Variants in FBXO28 observed in about 807,000 individuals in gnomAD.
The protein encoded by FBXO28 is F-box only protein 28.
In FBXO28, 8 loss-of-function variants were observed where a neutral mutation model predicts 38.1. The ratio of observed to expected loss-of-function variants is 0.21; its 90% CI spans 0.12 to 0.38. The LOEUF (loss-of-function observed/expected upper bound fraction) is 0.38, where lower values mean the gene tolerates loss of function less well. Among genes scored for constraint, FBXO28 ranks in the 10% least tolerant of loss-of-function variants. The pLI, the probability that FBXO28 is intolerant of heterozygous loss-of-function variation, is 1.00. For missense variants in FBXO28, 345 were observed against 460.6 expected, an observed-to-expected ratio of 0.75 and a Z score of 2.30; for synonymous variants, 168 against 173.8, an observed-to-expected ratio of 0.97 and a Z score of 0.26.
chr1:224,141,147 A>C (rs183045387), intron 3 of FBXO28, among the ~76,000 whole-genome samples: 1 of 151,832 alleles, frequency 6.6e-6, no homozygotes, highest in East Asian at 2.0e-4. Context: ...AAACCACTGC[A>C]CTCCAGCCTG....
chr1:224,158,416 G>C lies in FBXO28; in HGVS notation c.*670G>C. On this transcript the variant is annotated 3_prime_UTR_variant, in exon 5 of 5. Transcript: ENST00000366862. ...ATGTCCTACATTTGCATGGATGGAT[G>C]CATGCATTGCCTAGTCAACTCACTT... The C allele has an allele frequency of 6.0e-6, 1 of 166,524 alleles. No homozygotes were observed. The highest frequency in any genetic ancestry group is 1.2e-5 in the Non-Finnish European group (1 of 80,728). 10.3% of individuals were successfully genotyped at this position (166,524 alleles called of 1,614,324 possible).
intron 4 of FBXO28, among the ~76,000 whole-genome samples, chr1:224,157,038 GC>G (rs1245114167): frequency 1.3e-5 from 2 of 151,510 alleles, no homozygotes; most frequent in Non-Finnish European, 2.9e-5. Context: ...TAATTTTACT[GC>G]TTGTATTTTG....
chr1:224,127,821 G>A (rs1656940773), intron 1 of FBXO28, among the ~76,000 whole-genome samples: 1 of 152,076 alleles, frequency 6.6e-6, no homozygotes, highest in African/African-American at 2.4e-5. Context: ...GCAGGAGAAT[G>A]GCTTGAACCT....
chr1:224,130,067 T>G (rs1049170175), intron 1 of FBXO28, among the ~76,000 whole-genome samples: 6 of 151,744 alleles, frequency 4.0e-5, no homozygotes, highest in African/African-American at 1.5e-4. Context: ...GCAGGCCAGC[T>G]GTGGTGGCTC....
intron 1 of FBXO28, among the ~76,000 whole-genome samples, chr1:224,122,603 T>TA (rs1656805159): frequency 6.6e-6 from 1 of 151,998 alleles, no homozygotes; most frequent in Non-Finnish European, 1.5e-5. Flanking sequence ...TTTTTTTTTT[T>TA]ACAGCCCCCC....
chr1:224,156,642 G>C (rs1657779799), intron 4 of FBXO28, among the ~76,000 whole-genome samples: 1 of 152,186 alleles, frequency 6.6e-6, no homozygotes, highest in Non-Finnish European at 1.5e-5. Flanking sequence ...TTAGAAACGT[G>C]CAACCTGTAG....
At chr1:224,144,011 C>A (rs1657434999) in intron 3 of FBXO28, among the ~76,000 whole-genome samples, 1 of 151,748 alleles carries the variant, frequency 6.6e-6, no homozygotes, top group African/African-American at 2.4e-5. Flanking sequence ...TTTAGCCAGG[C>A]ATGGTGGCAT....
At chr1:224,139,335 G>A (rs1252360783) in intron 3 of FBXO28, among the ~76,000 whole-genome samples, 1 of 151,406 alleles carries the variant, frequency 6.6e-6, no homozygotes, top group African/African-American at 2.4e-5. Context: ...TTATTCTCTT[G>A]TAATTTCAAG....
In FBXO28 at chr1:224,117,213, C is replaced by G. The variant is rs1285260190; in HGVS notation, c.267+2817C>G. Among the ~76,000 whole-genome samples, 46 of 133,744 alleles carry G rather than the reference C, an allele frequency of 3.4e-4. 1 individual carries two copies. The Admixed American group carries it at 3.7e-3, about 11-fold the overall frequency. The allele number at this position is 133,744 out of a possible 152,430, so 87.7% of individuals were successfully genotyped here. A position where few individuals can be genotyped will look rare whatever the true frequency, so the allele number is the denominator to read the frequency against. The stretch of plus-strand genomic sequence containing the variant: ...ACGGAGTCTCGCTCTGTCACCCAGG[C>G]TGGAGTGCAGTGGTGCCATCTTGGC... On this transcript the variant is annotated intron_variant, in intron 1 of 4. Transcript: ENST00000366862.
At chr1:224,134,324 TCTA>T (rs1322259292) in intron 3 of FBXO28, 112 bp downstream of exon 3, 6 of 983,988 alleles carry the variant, frequency 6.1e-6, no homozygotes, top group Non-Finnish European at 8.9e-6. Flanking sequence ...TCTCTGAGTT[TCTA>T]CTAATGAATT....
At chr1:224,134,913 C>T (rs1447097199) in intron 3 of FBXO28, among the ~76,000 whole-genome samples, 4 of 152,186 alleles carry the variant, frequency 2.6e-5, no homozygotes, top group African/African-American at 9.7e-5. Context: ...TTTCCCTTAA[C>T]ATGGTTGGAA....
chr1:224,146,232 C>CA lies in FBXO28; in HGVS notation c.517-6897dup, dbSNP rs1223717582. ...CTGGGCGATAGAGTGAGACTGTCTT[C>CA]AAAAAAAAAAAAATTAAAAATAATA... On this transcript the variant is annotated intron_variant, in intron 3 of 4. Coordinates refer to ENST00000366862, the MANE Select transcript of FBXO28 (RefSeq NM_015176.4). Among the ~76,000 whole-genome samples, 413 of 125,852 alleles carry CA rather than the reference C, an allele frequency of 3.3e-3. 1 individual carries two copies. The highest frequency in any genetic ancestry group is 0.018 in the East Asian group (81 of 4,534). 82.6% of individuals were successfully genotyped at this position (125,852 alleles called of 152,430 possible). A position where few individuals can be genotyped will look rare whatever the true frequency, so the allele number is the denominator to read the frequency against.
intron 1 of FBXO28, among the ~76,000 whole-genome samples, chr1:224,126,317 T>C (rs1656903147): frequency 6.6e-6 from 1 of 152,222 alleles, no homozygotes; most frequent in Admixed American, 6.6e-5. Flanking sequence ...TAAAATAATT[T>C]TGACTGAACC....
chr1:224,141,128 G>T (rs956017347), intron 3 of FBXO28, among the ~76,000 whole-genome samples: 1 of 152,038 alleles, frequency 6.6e-6, no homozygotes, highest in African/African-American at 2.4e-5. Context: ...GCTGCAGTGA[G>T]CCGAGATCAA....
At chr1:224,137,134 A>G (rs1393282059) in intron 3 of FBXO28, among the ~76,000 whole-genome samples, 2 of 151,908 alleles carry the variant, frequency 1.3e-5, no homozygotes, top group African/African-American at 2.4e-5. Flanking sequence ...CTTAAGGTCT[A>G]CAGTAAGCAT....
chr1:224,131,220 A>G (rs1246298271), intron 2 of FBXO28, among the ~76,000 whole-genome samples: 7 of 152,266 alleles, frequency 4.6e-5, no homozygotes, highest in East Asian at 1.9e-4. Context: ...GGGGTTGACA[A>G]TAAGGTACAA....
At chr1:224,117,305 C>T (rs993910791) in intron 1 of FBXO28, among the ~76,000 whole-genome samples, 3 of 151,494 alleles carry the variant, frequency 2.0e-5, no homozygotes, top group East Asian at 2.0e-4. Context: ...GTAGCTGGAA[C>T]TACAGGCGCA....
At chr1:224,123,556 A>G (rs946713499) in intron 1 of FBXO28, among the ~76,000 whole-genome samples, 2 of 151,162 alleles carry the variant, frequency 1.3e-5, no homozygotes, top group Admixed American at 1.3e-4. Flanking sequence ...ATCAATTTGT[A>G]TGTATATTAT....
At chr1:224,151,362 T>A (rs1191554682) in intron 3 of FBXO28, among the ~76,000 whole-genome samples, 1 of 152,226 alleles carries the variant, frequency 6.6e-6, no homozygotes, top group Non-Finnish European at 1.5e-5. Context: ...TGGCCTCTCC[T>A]ATGATGTCTT....
Sources: allele counts gnomAD v4.1 joint callset (sites outside exome capture counted in the v4.1 genomes callset), GRCh38; gene constraint gnomAD v4.1.1; transcripts MANE v1.5; gene names NCBI Gene and HGNC (gene_info 2026-07-23, HGNC 2026-07-21).